FAAH2: variants seen among roughly 807,000 people sequenced by gnomAD.
FAAH2 encodes fatty acid amide hydrolase 2, also known as fatty-acid amide hydrolase 2.
In FAAH2, 60 loss-of-function variants were observed where a neutral mutation model predicts 36.9. The observed-to-expected ratio is 1.63, with a 90% CI of 1.32 to 2.02. FAAH2 has a LOEUF of 2.02. Ranked by LOEUF, FAAH2 falls within the 30% of genes most tolerant of loss-of-function variation. The pLI is 0.00. For missense variants in FAAH2, 689 were observed against 397.5 expected, an observed-to-expected ratio of 1.73 and a Z score of -6.23; for synonymous variants, 214 against 143.8, an observed-to-expected ratio of 1.49 and a Z score of -3.49.
chrX:57,379,083 G>T (rs1468187775), intron 6 of FAAH2, among the ~76,000 whole-genome samples: 1 of 111,838 alleles, frequency 8.9e-6, no homozygotes, highest in African/African-American at 3.2e-5. Flanking sequence ...TTCACTTTAA[G>T]TTCAGCCTTT....
chrX:57,318,394 C>G (rs1033518585), intron 3 of FAAH2, among the ~76,000 whole-genome samples: 10 of 111,633 alleles, frequency 9.0e-5, no homozygotes, highest in African/African-American at 1.6e-4. Context: ...AACACCTTTA[C>G]GCAAATAAAC....
At chrX:57,437,061 A>G (rs1377493367) in intron 8 of FAAH2, among the ~76,000 whole-genome samples, 2 of 111,759 alleles carry the variant, frequency 1.8e-5, no homozygotes, top group African/African-American at 6.5e-5. Context: ...TATTAGGAAT[A>G]TAAGGATGGT....
the FAAH2 span, among the ~76,000 whole-genome samples, chrX:57,263,967 T>A: frequency 5.4e-5 from 6 of 111,699 alleles, no homozygotes; most frequent in African/African-American, 1.9e-4. Flanking sequence ...AAACACATGG[T>A]TTTGGAGCAA....
intron 7 of FAAH2, chrX:57,393,967 G>A (rs1244698842): frequency 8.8e-6 from 7 of 793,626 alleles, no homozygotes; most frequent in Non-Finnish European, 1.4e-5. Flanking sequence ...ACCTTTGTAT[G>A]TGGATATCAG....
intron 8 of FAAH2, among the ~76,000 whole-genome samples, chrX:57,438,872 A>G (rs1569345446): frequency 2.8e-5 from 3 of 106,809 alleles, no homozygotes; most frequent in Non-Finnish European, 5.8e-5. Flanking sequence ...TGTCCTTGCG[A>G]TAGTTTGCTG....
At chrX:57,135,575 G>C in the FAAH2 span, 1 of 542,701 alleles carries the variant, frequency 1.8e-6, no homozygotes, top group Non-Finnish European at 2.9e-6. Flanking sequence ...ATTGACAGCT[G>C]TTCGTTCCTT....
the FAAH2 span, among the ~76,000 whole-genome samples, chrX:57,244,731 C>T: frequency 3.6e-5 from 4 of 111,347 alleles, no homozygotes; most frequent in Non-Finnish European, 7.5e-5. Flanking sequence ...TGAAGGAAGC[C>T]CTAAACATGA....
At chrX:57,310,804 A>G in intron 3 of FAAH2, 75 bp downstream of exon 3, 1 of 1,061,286 alleles carries the variant, frequency 9.4e-7, no homozygotes, top group African/African-American at 1.9e-5. Context: ...TAAACTAAAA[A>G]GGATGGTATA....
chrX:57,398,770 G>A (rs2055363558), intron 7 of FAAH2, among the ~76,000 whole-genome samples: 1 of 111,366 alleles, frequency 9.0e-6, no homozygotes, highest in African/African-American at 3.3e-5. Flanking sequence ...CTAGCTGACT[G>A]GTCGGGTGTG....
At chrX:57,232,031 G>T in the FAAH2 span, among the ~76,000 whole-genome samples, 1 of 111,465 alleles carries the variant, frequency 9.0e-6, no homozygotes, top group African/African-American at 3.3e-5. Flanking sequence ...CAGCCTAGGG[G>T]CCCTCTTGGA....
chrX:57,297,746 G>A (rs1208232698), intron 2 of FAAH2, among the ~76,000 whole-genome samples: 4 of 17,885 alleles, frequency 2.2e-4, no homozygotes, highest in African/African-American at 5.8e-4. Context: ...TCAAAATAAA[G>A]GGATGGAGGA....
At chrX:57,392,346 T>C (rs997595707) in intron 7 of FAAH2, among the ~76,000 whole-genome samples, 31 of 111,924 alleles carry the variant, frequency 2.8e-4, no homozygotes, top group Admixed American at 2.5e-3. Flanking sequence ...TGGAGATCCT[T>C]GTCTTTTTTC....
chrX:57,286,847 C>G lies in FAAH2; in HGVS notation c.22C>G (p.Arg8Gly), dbSNP rs774236408. 17 of 1,184,505 alleles carry G rather than the reference C, an allele frequency of 1.4e-5. No homozygotes were observed. Among genetic ancestry groups the G allele is most frequent in the Non-Finnish European group, 1.9e-5 (17 of 881,397 alleles). Reference sequence around the variant, plus strand: ...TGCGATGGCACCTTCATTTACCGCCCGCATTCAGTTGTTCCTCTTGCGGGC... The same window carrying G: ...TGCGATGGCACCTTCATTTACCGCCGGCATTCAGTTGTTCCTCTTGCGGGC... MAPSFTARIQLFLLRALG... is the reference protein window; with the variant it reads MAPSFTAGIQLFLLRALG... The change falls in exon 1 of 11, where the codon CGC (arginine) becomes GGC (glycine). Residue 8 changes from arginine (R) to glycine (G), a missense_variant. Transcript: ENST00000374900.
rs1044863207 is a variant in FAAH2, at chrX:57,351,601, G to A, written c.742+10211G>A. On this transcript the variant is annotated intron_variant, in intron 5 of 10. Transcript: ENST00000374900. ...AACTGTGAGCTAAGCTAACAAAAAA[G>A]GAAGAAGACCCAAATAAACACTGAA... Among the ~76,000 whole-genome samples the A allele has an allele frequency of 1.9e-4, 21 of 109,850 alleles. 1 individual carries two copies. In the Admixed American group the frequency reaches 2.0e-3, roughly 11 times the overall value.
the FAAH2 span, among the ~76,000 whole-genome samples, chrX:57,188,708 C>G: frequency 3.6e-3 from 399 of 110,851 alleles, 2 homozygotes; most frequent in Non-Finnish European, 5.5e-3. Context: ...ATAAATTTAC[C>G]TCTAAACACT....
At chrX:57,157,102 C>T in the FAAH2 span, among the ~76,000 whole-genome samples, 14 of 111,670 alleles carry the variant, frequency 1.3e-4, no homozygotes, top group African/African-American at 4.6e-4. Flanking sequence ...TTTACTGTGG[C>T]TGAGCTGATA....
In FAAH2 at chrX:57,416,796, C is replaced by G. The variant is rs775421888; in HGVS notation, c.997-15122C>G. Among the ~76,000 whole-genome samples the G allele has an allele frequency of 3.8e-4, 42 of 111,754 alleles. 1 individual carries two copies. In the East Asian group the frequency reaches 0.011, roughly 30 times the overall value. On this transcript the variant is annotated intron_variant, in intron 7 of 10. Transcript: ENST00000374900. ...CCTGTCTTGCTAGGTTGGGGAAGTTCGTCTTTTAATATTCTGAAGAGTGTT... is the reference window on the plus strand; with the variant it reads ...CCTGTCTTGCTAGGTTGGGGAAGTTGGTCTTTTAATATTCTGAAGAGTGTT...
chrX:57,209,649 A>G, the FAAH2 span, among the ~76,000 whole-genome samples: 1 of 111,437 alleles, frequency 9.0e-6, no homozygotes, highest in Non-Finnish European at 1.9e-5. Context: ...GGAGTTATGG[A>G]AGGAGTGATG....
intron 8 of FAAH2, among the ~76,000 whole-genome samples, chrX:57,446,306 G>A (rs2056672839): frequency 8.9e-6 from 1 of 111,961 alleles, no homozygotes; most frequent in African/African-American, 3.2e-5. Context: ...TGGTTCTTAT[G>A]AATGTGTTTT....
Sources: allele counts gnomAD v4.1 joint callset (sites outside exome capture counted in the v4.1 genomes callset), GRCh38; gene constraint gnomAD v4.1.1; transcripts MANE v1.5; gene names NCBI Gene and HGNC (gene_info 2026-07-23, HGNC 2026-07-21).